The following PID1 variants were observed in gnomAD, a reference collection of about 807,000 sequenced individuals.
PID1 encodes phosphotyrosine interaction domain containing 1.
A neutral mutation model predicts 19.1 loss-of-function variants in PID1; 10 were observed. That is an observed-to-expected ratio of 0.52 (90% confidence interval 0.32 to 0.89). The LOEUF (loss-of-function observed/expected upper bound fraction) is 0.89. Ranked by LOEUF, PID1 falls within the 40% of genes least tolerant of loss-of-function variation. PID1 has a pLI of 0.03. For synonymous variants in PID1, 130 were observed against 116.0 expected (o/e 1.12, Z -0.78); for missense variants, 248 against 285.3 (o/e 0.87, Z 0.94).
chr2:229,121,376 A>G (rs934533750), intron 2 of PID1, among the ~76,000 whole-genome samples: 1 of 152,168 alleles, frequency 6.6e-6, no homozygotes, highest in Non-Finnish European at 1.5e-5. Flanking sequence ...ACCTTGCAAT[A>G]AAACTTTTGT....
At chr2:229,261,947 CA>C (rs1690471204) in intron 1 of PID1, among the ~76,000 whole-genome samples, 1 of 151,010 alleles carries the variant, frequency 6.6e-6, no homozygotes, top group Non-Finnish European at 1.5e-5. Context: ...ACAGGCTCTT[CA>C]CTAAAATAAT....
intron 2 of PID1, among the ~76,000 whole-genome samples, chr2:229,137,147 A>C (rs1325362238): frequency 6.6e-6 from 1 of 152,222 alleles, no homozygotes. Flanking sequence ...ATACATTATC[A>C]GTTTCAAGTA....
chr2:229,147,810 G>A (rs1057015884), intron 2 of PID1, among the ~76,000 whole-genome samples: 4 of 152,096 alleles, frequency 2.6e-5, no homozygotes, highest in African/African-American at 9.7e-5. Context: ...TATAATATTT[G>A]TCATTTGCCC....
intron 2 of PID1, among the ~76,000 whole-genome samples, chr2:229,062,576 T>C (rs766791658): frequency 9.9e-5 from 15 of 151,924 alleles, no homozygotes; most frequent in Non-Finnish European, 1.9e-4. Flanking sequence ...AGGTCTTGTG[T>C]GATTCTGGTG....
At chr2:229,246,214 G>A (rs1242280892) in intron 1 of PID1, among the ~76,000 whole-genome samples, 3 of 152,110 alleles carry the variant, frequency 2.0e-5, no homozygotes, top group African/African-American at 4.8e-5. Context: ...TATTAGCCAG[G>A]GAGCCAATAC....
At chr2:229,149,823 G>T (rs191340637) in intron 2 of PID1, among the ~76,000 whole-genome samples, 69 of 152,244 alleles carry the variant, frequency 4.5e-4, no homozygotes, top group African/African-American at 1.5e-3. Context: ...CCTAGGTGAG[G>T]GGCTGGTGGG....
chr2:229,064,117 A>G (rs1694272111), intron 2 of PID1, among the ~76,000 whole-genome samples: 1 of 152,168 alleles, frequency 6.6e-6, no homozygotes, highest in African/African-American at 2.4e-5. Flanking sequence ...GTGTTTCAAG[A>G]AGGCAAATAA....
At chr2:229,230,309 G>A (rs886184181) in intron 1 of PID1, among the ~76,000 whole-genome samples, 5 of 152,192 alleles carry the variant, frequency 3.3e-5, no homozygotes, top group Non-Finnish European at 5.9e-5. Context: ...GAGAAAGAAA[G>A]AGAGGGAGAG....
chr2:229,216,380 T>C (rs1320877268), intron 1 of PID1, among the ~76,000 whole-genome samples: 3 of 152,132 alleles, frequency 2.0e-5, no homozygotes, highest in African/African-American at 7.2e-5. Flanking sequence ...TCCAGCATCA[T>C]TGTTTTGGGT....
chr2:229,235,049 T>G (rs1354973670), intron 1 of PID1, among the ~76,000 whole-genome samples: 2 of 152,152 alleles, frequency 1.3e-5, no homozygotes, highest in Non-Finnish European at 2.9e-5. Flanking sequence ...CAGCTTTTTG[T>G]CCCCTTTCTT....
chr2:229,253,300 T>C (rs1427627165), intron 1 of PID1, among the ~76,000 whole-genome samples: 1 of 152,180 alleles, frequency 6.6e-6, no homozygotes, highest in African/African-American at 2.4e-5. Flanking sequence ...AAAATTACTT[T>C]ATTTGTTTTG....
intron 1 of PID1, among the ~76,000 whole-genome samples, chr2:229,210,457 C>T (rs1448164135): frequency 7.8e-6 from 1 of 128,634 alleles, no homozygotes; most frequent in Non-Finnish European, 1.6e-5. Context: ...GCGGAGCTTG[C>T]AGTGAGCTGA....
chr2:229,260,729 C>A (rs1490316313), intron 1 of PID1, among the ~76,000 whole-genome samples: 1 of 151,440 alleles, frequency 6.6e-6, no homozygotes, highest in East Asian at 1.9e-4. Flanking sequence ...TGATTTGCTA[C>A]CCTAAGCAGA....
chr2:229,240,361 C>T (rs997546060), intron 1 of PID1, among the ~76,000 whole-genome samples: 1 of 152,028 alleles, frequency 6.6e-6, no homozygotes, highest in African/African-American at 2.4e-5. Flanking sequence ...CTTAGAACTT[C>T]TCTATTACTG....
intron 2 of PID1, among the ~76,000 whole-genome samples, chr2:229,131,194 C>G (rs1021126976): frequency 6.6e-6 from 1 of 151,866 alleles, no homozygotes; most frequent in South Asian, 2.1e-4. Flanking sequence ...ATAAATACTA[C>G]ATTTTTCTTT....
intron 1 of PID1, among the ~76,000 whole-genome samples, chr2:229,167,550 A>C (rs1317484637): frequency 6.6e-6 from 1 of 152,178 alleles, no homozygotes; most frequent in South Asian, 2.1e-4. Context: ...CGTTACAGTT[A>C]TAAAAGGCAG....
At chr2:229,234,290 T>C (rs1692276971) in intron 1 of PID1, among the ~76,000 whole-genome samples, 1 of 152,164 alleles carries the variant, frequency 6.6e-6, no homozygotes, top group South Asian at 2.1e-4. Flanking sequence ...TTCCTTAAAG[T>C]ATGGGCATTA....
At chr2:229,046,324 C>T (rs1025513580) in intron 2 of PID1, among the ~76,000 whole-genome samples, 1 of 150,320 alleles carries the variant, frequency 6.7e-6, no homozygotes, top group Non-Finnish European at 1.5e-5. Context: ...AATGCTGAAA[C>T]TTCAGCATCC....
intron 1 of PID1, among the ~76,000 whole-genome samples, chr2:229,175,778 A>G (rs1180210012): frequency 6.6e-6 from 1 of 152,226 alleles, no homozygotes; most frequent in African/African-American, 2.4e-5. Context: ...ACTGGTTTTA[A>G]ACAAACTCTC....
Sources: allele counts gnomAD v4.1 joint callset (sites outside exome capture counted in the v4.1 genomes callset), GRCh38; gene constraint gnomAD v4.1.1; transcripts MANE v1.5; gene names NCBI Gene and HGNC (gene_info 2026-07-23, HGNC 2026-07-21).